Variants in APBB1IP observed in about 807,000 individuals in gnomAD.
APBB1IP encodes amyloid beta A4 precursor protein-binding family B member 1-interacting protein.
Under a neutral mutation model 64.9 loss-of-function variants are expected in APBB1IP, and 27 were observed. That is an observed-to-expected ratio of 0.42 (90% confidence interval 0.31 to 0.57). The LOEUF is 0.57. Among genes scored for constraint, APBB1IP ranks in the 20% least tolerant of loss-of-function variants. The probability of loss-of-function intolerance (pLI) is 0.20; values close to 1 mark genes in which losing one functional copy is unlikely to be tolerated. For synonymous variants in APBB1IP, 392 were observed against 331.0 expected (o/e 1.18, Z -2.00); for missense variants, 812 against 845.5 (o/e 0.96, Z 0.49).
intron 2 of APBB1IP, among the ~76,000 whole-genome samples, chr10:26,478,630 G>T (rs1218441491): frequency 7.2e-6 from 1 of 138,680 alleles, no homozygotes; most frequent in African/African-American, 2.5e-5. Context: ...AAAAAAAAAA[G>T]GAAAAGAAAG....
At chr10:26,522,200 A>T (rs66815736) in intron 8 of APBB1IP, among the ~76,000 whole-genome samples, 1,230 of 117,384 alleles carry the variant, frequency 0.01, 8 homozygotes, top group Middle Eastern at 0.019. Flanking sequence ...ATAAGTTTTT[A>T]TTTTTTTTAT....
chr10:26,471,550 C>G (rs1312149981), intron 2 of APBB1IP, among the ~76,000 whole-genome samples: 1 of 152,108 alleles, frequency 6.6e-6, no homozygotes. Flanking sequence ...TCAGATTCTT[C>G]TGATATAAAG....
intron 2 of APBB1IP, among the ~76,000 whole-genome samples, chr10:26,449,798 C>T (rs1835444416): frequency 6.6e-6 from 1 of 152,182 alleles, no homozygotes; most frequent in South Asian, 2.1e-4. Context: ...TCCCTTGATC[C>T]CATGAGTTGG....
intron 2 of APBB1IP, among the ~76,000 whole-genome samples, chr10:26,467,069 G>T (rs1835656645): frequency 6.6e-6 from 1 of 151,892 alleles, no homozygotes. Flanking sequence ...GTGATCATTT[G>T]TAATGTTTTT....
intron 2 of APBB1IP, among the ~76,000 whole-genome samples, chr10:26,464,240 T>G (rs975752441): frequency 2.0e-5 from 3 of 152,164 alleles, no homozygotes; most frequent in African/African-American, 7.2e-5. Context: ...ATAAAGTCAT[T>G]TCATTGGAAT....
chr10:26,525,473 G>A (rs1385723390), intron 8 of APBB1IP, among the ~76,000 whole-genome samples: 1 of 152,062 alleles, frequency 6.6e-6, no homozygotes, highest in East Asian at 1.9e-4. Flanking sequence ...CAATGGGTGA[G>A]GAAAAGGTAA....
At position 26,567,269 on chromosome 10, in the gene APBB1IP, G is replaced by T; in HGVS notation, c.1782G>T (p.Ala594=). The part of the protein sequence containing the change: ...PPPPPSYAGI[A]GSELPPPPPP... ...CCCCGCCGTCGTACGCAGGGATCGC[G>T]GGCTCAGAGCTGCCCCCGCCGCCGC... The change falls in exon 15 of 15, where the codon GCG becomes GCT. Residue 594 remains alanine, a synonymous_variant. Coordinates refer to ENST00000376236, the MANE Select transcript of APBB1IP (RefSeq NM_019043.4). The T allele has an allele frequency of 1.6e-6, 2 of 1,256,864 alleles. No individual in the cohort carries two copies. Among genetic ancestry groups the T allele is most frequent in the Non-Finnish European group, 1.0e-6 (1 of 998,004 alleles). The allele number at this position is 1,256,864 out of a possible 1,614,324, so 77.9% of individuals were successfully genotyped here.
chr10:26,503,562 G>C (rs1836133507), intron 6 of APBB1IP, among the ~76,000 whole-genome samples: 1 of 152,168 alleles, frequency 6.6e-6, no homozygotes, highest in Non-Finnish European at 1.5e-5. Context: ...TTGAACCCAG[G>C]AGGTGGAGGT....
At chr10:26,506,111 C>T (rs1335848726) in intron 6 of APBB1IP, among the ~76,000 whole-genome samples, 1 of 152,186 alleles carries the variant, frequency 6.6e-6, no homozygotes, top group Non-Finnish European at 1.5e-5. Context: ...AGTAGGTTCG[C>T]TGTGCATCTC....
At chr10:26,455,914 A>G (rs1241120586) in intron 2 of APBB1IP, among the ~76,000 whole-genome samples, 1 of 152,242 alleles carries the variant, frequency 6.6e-6, no homozygotes, top group African/African-American at 2.4e-5. Flanking sequence ...ATGTCCATCA[A>G]CTAATAAAAA....
chr10:26,495,426 G>A (rs75053538), intron 3 of APBB1IP, among the ~76,000 whole-genome samples: 10,404 of 151,754 alleles, frequency 0.069, 1,135 homozygotes, highest in African/African-American at 0.24. Flanking sequence ...ATGGGTCAGA[G>A]TCTGGGATTT....
intron 13 of APBB1IP, among the ~76,000 whole-genome samples, chr10:26,561,070 T>TC (rs1408941951): frequency 4.2e-5 from 5 of 120,404 alleles, no homozygotes; most frequent in African/African-American, 6.5e-5. Context: ...CTTTCTTTTT[T>TC]TTTTTTTTTT....
At chr10:26,482,027 C>T (rs776345331) in intron 2 of APBB1IP, among the ~76,000 whole-genome samples, 10 of 152,152 alleles carry the variant, frequency 6.6e-5, no homozygotes, top group African/African-American at 1.9e-4. Flanking sequence ...ACCCTGTTGT[C>T]TTGGCTGTCC....
At chr10:26,525,521 G>A (rs947912621) in intron 8 of APBB1IP, among the ~76,000 whole-genome samples, 1 of 152,106 alleles carries the variant, frequency 6.6e-6, no homozygotes, top group African/African-American at 2.4e-5. Flanking sequence ...TTGCACAGGG[G>A]ATGTGGTCTC....
At chr10:26,476,459 A>AAAAG (rs1835777092) in intron 2 of APBB1IP, among the ~76,000 whole-genome samples, 1 of 150,510 alleles carries the variant, frequency 6.6e-6, no homozygotes, top group African/African-American at 2.4e-5. Context: ...AAAAAAAAAA[A>AAAAG]AAAAAAGAAG....
intron 2 of APBB1IP, among the ~76,000 whole-genome samples, chr10:26,441,988 G>T (rs909726949): frequency 6.6e-6 from 1 of 152,230 alleles, no homozygotes; most frequent in South Asian, 2.1e-4. Flanking sequence ...TACGCAGGAA[G>T]TAAGAAACAG....
chr10:26,502,185 A>T (rs1836111155), intron 5 of APBB1IP, among the ~76,000 whole-genome samples: 1 of 152,236 alleles, frequency 6.6e-6, no homozygotes, highest in African/African-American at 2.4e-5. Flanking sequence ...AAGTAATTAG[A>T]ATGTAACCAG....
At chr10:26,474,857 G>C (rs1404530992) in intron 2 of APBB1IP, among the ~76,000 whole-genome samples, 2 of 152,186 alleles carry the variant, frequency 1.3e-5, no homozygotes, top group East Asian at 1.9e-4. Flanking sequence ...CTAGATCCAG[G>C]CATCTGTTTG....
At chr10:26,550,378 T>C (rs1836815958) in intron 11 of APBB1IP, among the ~76,000 whole-genome samples, 1 of 152,124 alleles carries the variant, frequency 6.6e-6, no homozygotes, top group Non-Finnish European at 1.5e-5. Flanking sequence ...TCTTTAAAGT[T>C]AGTTACATGT....
Sources: gnomAD v4.1 joint callset for allele counts (sites outside exome capture counted in the v4.1 genomes callset) on GRCh38, gnomAD v4.1.1 for gene constraint, MANE v1.5 for transcripts, NCBI Gene and HGNC (gene_info 2026-07-23, HGNC 2026-07-21) for gene names.